The following CARS2 variants were observed in gnomAD, a reference collection of about 807,000 sequenced individuals.
The protein encoded by CARS2 is cysteinyl-tRNA synthetase 2, mitochondrial, also known as probable cysteine--tRNA ligase, mitochondrial.
A neutral mutation model predicts 68.8 loss-of-function variants in CARS2; 52 were observed. That is an observed-to-expected ratio of 0.76 (90% confidence interval 0.61 to 0.95). The LOEUF is 0.95. Ranked by LOEUF, CARS2 falls within the 40% of genes least tolerant of loss-of-function variation. The pLI is 0.00. For missense variants in CARS2, 780 were observed against 754.2 expected (o/e 1.03, Z -0.40); for synonymous variants, 314 against 303.6 (o/e 1.03, Z -0.36).
intron 10 of CARS2, chr13:110,649,429 G>C (rs577620750): frequency 1.3e-5 from 2 of 152,516 alleles, no homozygotes; most frequent in East Asian, 3.9e-4. Context: ...CTGCAGGCCG[G>C]GTGAAATTCT....
Position 110,688,042 on chromosome 13 carries a change from G to A in CARS2, c.394-24C>T, listed in dbSNP as rs768374882. On this transcript the variant is annotated intron_variant, in intron 3 of 14. Transcript: ENST00000257347. ...ATCTGCAGAAGGATTAGATGTGCAC[G>A]TTAATGAGTCTGGGGCATTCGCAAC... 7 of 1,548,460 alleles carry A rather than the reference G, an allele frequency of 4.5e-6. No individual in the cohort carries two copies. In the East Asian group the frequency reaches 6.8e-5, roughly 15 times the overall value.
chr13:110,670,448 C>T lies in CARS2; in HGVS notation c.786-2975G>A, dbSNP rs1291803902. Among the ~76,000 whole-genome samples the T allele has an allele frequency of 6.6e-6, 1 of 152,250 alleles. No individual in the cohort carries two copies. The highest frequency in any genetic ancestry group is 2.4e-5 in the African/African-American group (1 of 41,468). ...CTGGTGATACCCAGGCAAACAGGGT[C>T]TGGAGTGGACCTCCAGCAAACTCAA... On this transcript the variant is annotated intron_variant, in intron 7 of 14. Transcript: ENST00000257347. The surrounding 1 kb of genome is among the most constrained non-coding windows in gnomAD (Gnocchi z 4.1).
In CARS2 at chr13:110,653,711, G is replaced by A. The variant is rs1339649121; in HGVS notation, c.988-2611C>T. ...GGCGCTACTGCAGCGAGCTATAGTAGTAGTTCTAATAGAAATCTGGAATCT... is the reference window on the plus strand; with the variant it reads ...GGCGCTACTGCAGCGAGCTATAGTAATAGTTCTAATAGAAATCTGGAATCT... On this transcript the variant is annotated intron_variant, in intron 9 of 14. Coordinates refer to ENST00000257347, the MANE Select transcript of CARS2 (RefSeq NM_024537.4). The surrounding 1 kb of genome is among the most constrained non-coding windows in gnomAD (Gnocchi z 5.6). 6.6e-6 allele frequency among the ~76,000 whole-genome samples: 1 copy of A among 152,244 alleles called. No homozygotes were observed. Among genetic ancestry groups the A allele is most frequent in the Non-Finnish European group, 1.5e-5 (1 of 68,040 alleles).
rs980320567 is a variant in CARS2 at position 110,665,765 on chromosome 13, C to T, written c.919+1575G>A. The T allele has an allele frequency of 1.0e-6, 1 of 985,438 alleles. No individual in the cohort carries two copies. The highest frequency in any genetic ancestry group is 1.2e-6 in the Non-Finnish European group (1 of 829,930). 61.0% of individuals were successfully genotyped at this position (985,438 alleles called of 1,614,324 possible). On this transcript the variant is annotated intron_variant, in intron 8 of 14. Coordinates refer to ENST00000257347, the MANE Select transcript of CARS2 (RefSeq NM_024537.4). The surrounding 1 kb of genome is among the most constrained non-coding windows in gnomAD (Gnocchi z 4.3). ...AACGAGGAAGTGACTTCGGGGCAAT[C>T]AGCCTCATCTATTTACTTTCATGAA... is the stretch of plus-strand genomic sequence containing the variant.
At chr13:110,703,653 T>G (rs1032824763) in intron 2 of CARS2, among the ~76,000 whole-genome samples, 4 of 152,242 alleles carry the variant, frequency 2.6e-5, no homozygotes, top group African/African-American at 9.6e-5. Context: ...TGCATGTCAA[T>G]CTTTTAAATG....
At chr13:110,683,754 C>T (rs1044257180) in intron 5 of CARS2, among the ~76,000 whole-genome samples, 5 of 152,328 alleles carry the variant, frequency 3.3e-5, no homozygotes, top group South Asian at 2.1e-4. Flanking sequence ...CAGTGGCTCA[C>T]GCCTCCAATC....
chr13:110,645,900 A>AC lies in CARS2; in HGVS notation c.1317+66dup. 11 of 1,557,736 alleles carry AC rather than the reference A, an allele frequency of 7.1e-6. 1 individual carries two copies. In the Middle Eastern group the frequency reaches 5.9e-4, roughly 84 times the overall value. On this transcript the variant is annotated intron_variant, in intron 12 of 14. Coordinates refer to ENST00000257347, the MANE Select transcript of CARS2 (RefSeq NM_024537.4). Reference sequence around the variant, plus strand: ...ATGCCACCCAGCCGACATGAGAAAAACCCACCAGAGGACCCGACCCATGCC... The same window carrying AC: ...ATGCCACCCAGCCGACATGAGAAAAACCCCACCAGAGGACCCGACCCATGCC...
At chr13:110,684,175 C>T (rs2063232589) in intron 5 of CARS2, among the ~76,000 whole-genome samples, 1 of 152,220 alleles carries the variant, frequency 6.6e-6, no homozygotes, top group African/African-American at 2.4e-5. Context: ...CTCAGTACCA[C>T]AGATCCGCAG....
chr13:110,654,162 A>G (rs2062300957), intron 9 of CARS2, among the ~76,000 whole-genome samples: 1 of 152,168 alleles, frequency 6.6e-6, no homozygotes, highest in Non-Finnish European at 1.5e-5. Flanking sequence ...ACTTCCTATG[A>G]TGCCAGCGCT....
chr13:110,697,780 T>C (rs1471344255), intron 3 of CARS2: 7 of 359,352 alleles, frequency 1.9e-5, no homozygotes, highest in South Asian at 8.6e-5. Context: ...TATATGTTCA[T>C]AGCAGCACTC....
At chr13:110,687,647 C>A in intron 5 of CARS2, 74 bp downstream of exon 5, 1 of 956,622 alleles carries the variant, frequency 1.0e-6, no homozygotes, top group Non-Finnish European at 1.6e-6. Flanking sequence ...CCACTGCACT[C>A]CAGCCTGGGT....
In CARS2 at chr13:110,646,255, T is replaced by A. The variant is rs1594217612; in HGVS notation, c.1194-165A>T. 5 of 679,526 alleles carry A rather than the reference T, an allele frequency of 7.4e-6. No homozygotes were observed. In the East Asian group the frequency reaches 9.0e-5, roughly 12 times the overall value. The allele number at this position is 679,526 out of a possible 1,614,324, so 42.1% of individuals were successfully genotyped here. A position where few individuals can be genotyped will look rare whatever the true frequency, so the allele number is the denominator to read the frequency against. ...AGTTCCTGAGTAGCAGAAAATTATG[T>A]AACATCAACTGCAAACTGTCATGTT... On this transcript the variant is annotated intron_variant, in intron 11 of 14. Coordinates refer to ENST00000257347, the MANE Select transcript of CARS2 (RefSeq NM_024537.4).
intron 6 of CARS2, among the ~76,000 whole-genome samples, chr13:110,678,852 G>A (rs1179466042): frequency 1.3e-5 from 2 of 152,112 alleles, no homozygotes; most frequent in African/African-American, 2.4e-5. Flanking sequence ...GGGGAAGAGT[G>A]GACGGGGCTA....
chr13:110,692,561 C>CT (rs34307243), intron 3 of CARS2, among the ~76,000 whole-genome samples: 1,435 of 132,476 alleles, frequency 0.011, 21 homozygotes, highest in African/African-American at 0.035. Flanking sequence ...CCTATTCTTC[C>CT]TTTTTTTTTT....
At chr13:110,666,048 C>A (rs2062637552) in intron 8 of CARS2, 5 of 985,252 alleles carry the variant, frequency 5.1e-6, no homozygotes, top group Non-Finnish European at 6.0e-6. Context: ...ATCTGGGCTC[C>A]CAGCACGCTT....
At chr13:110,650,800 T>G (rs1594238052) in intron 10 of CARS2, 1 of 477,540 alleles carries the variant, frequency 2.1e-6, no homozygotes, top group Non-Finnish European at 3.7e-6. Context: ...AGAGAAGGAG[T>G]GGAGAGGACT....
intron 9 of CARS2, among the ~76,000 whole-genome samples, chr13:110,661,321 C>T (rs999805924): frequency 2.0e-5 from 3 of 152,188 alleles, no homozygotes; most frequent in African/African-American, 7.2e-5. Flanking sequence ...GTCTTCTTTC[C>T]TTCAACCTCA....
Position 110,685,056 on chromosome 13 carries a change from C to T in CARS2, c.572-1922G>A, listed in dbSNP as rs181625266. 1.2e-4 allele frequency among the ~76,000 whole-genome samples: 19 copies of T among 152,294 alleles called. No homozygotes were observed. The East Asian group carries it at 2.9e-3, about 23-fold the overall frequency. ...GTGAAGACGAGAATCCCTAAAGACT[C>T]GTGAACATTTATCACTTTATTCCTA... is the stretch of plus-strand genomic sequence containing the variant. On this transcript the variant is annotated intron_variant, in intron 5 of 14. Transcript: ENST00000257347.
At position 110,679,607 on chromosome 13, in the gene CARS2, G is replaced by A. The variant is rs1381079952; in HGVS notation, c.656-2504C>T. On this transcript the variant is annotated intron_variant, in intron 6 of 14. Transcript: ENST00000257347. ...AGAAAGAAAGAAAGAAAGAGAGAGA[G>A]AGAGAGAGAGAGAGAGAGGGAGGGA... Among the ~76,000 whole-genome samples the A allele has an allele frequency of 6.6e-3, 605 of 92,338 alleles. 8 individuals are homozygous for A. Among genetic ancestry groups the A allele is most frequent in the African/African-American group, 0.024 (555 of 23,602 alleles). The allele number at this position is 92,338 out of a possible 152,430, so 60.6% of individuals were successfully genotyped here.
Sources: allele counts gnomAD v4.1 joint callset (sites outside exome capture counted in the v4.1 genomes callset), GRCh38; gene constraint gnomAD v4.1.1; non-coding constraint Gnocchi (gnomAD v3.1); transcripts MANE v1.5; gene names NCBI Gene and HGNC (gene_info 2026-07-23, HGNC 2026-07-21).